The following CNTNAP3B variants were observed in gnomAD, a reference collection of about 807,000 sequenced individuals.
CNTNAP3B encodes contactin associated protein family member 3B, also known as contactin-associated protein-like 3B.
In CNTNAP3B, 25 loss-of-function variants were observed where a neutral mutation model predicts 108.9. The ratio of observed to expected loss-of-function variants is 0.23; its 90% CI spans 0.17 to 0.32. The LOEUF (loss-of-function observed/expected upper bound fraction) is 0.32, where lower values mean the gene tolerates loss of function less well. CNTNAP3B is among the 10% of genes least tolerant of loss of function. The pLI is 1.00. For synonymous variants in CNTNAP3B, 103 were observed against 473.4 expected (o/e 0.22, Z 10.16); for missense variants, 252 against 1,210.4 (o/e 0.21, Z 11.75).
chr9:42,042,399 G>C (rs1477004335), intron 3 of CNTNAP3B, among the ~76,000 whole-genome samples: 1 of 138,978 alleles, frequency 7.2e-6, no homozygotes, highest in African/African-American at 2.9e-5. Flanking sequence ...CTCTATTTCA[G>C]AATAACTTTC....
At chr9:41,940,996 C>T (rs879569259) in intron 13 of CNTNAP3B, among the ~76,000 whole-genome samples, 2 of 151,926 alleles carry the variant, frequency 1.3e-5, no homozygotes, top group Admixed American at 6.6e-5. Context: ...ATATAATAGA[C>T]TATCCTTATC....
chr9:41,945,908 CACTA>C (rs1363498684), intron 13 of CNTNAP3B, among the ~76,000 whole-genome samples: 4 of 152,166 alleles, frequency 2.6e-5, no homozygotes, highest in African/African-American at 9.7e-5. Flanking sequence ...ACCATGGTAA[CACTA>C]ACCAAAAAGA....
At chr9:41,939,510 A>C (rs112289740) in intron 13 of CNTNAP3B, among the ~76,000 whole-genome samples, 3,194 of 150,650 alleles carry the variant, frequency 0.021, no homozygotes, top group African/African-American at 0.075. Flanking sequence ...AAACAAAAAA[A>C]ACAACGAAAA....
chr9:41,966,882 G>T (rs139568530), intron 10 of CNTNAP3B, among the ~76,000 whole-genome samples: 1,814 of 149,968 alleles, frequency 0.012, 2 homozygotes, highest in South Asian at 0.047. Context: ...CATGAGAATG[G>T]CATGAACCCA....
At chr9:41,927,465 A>AGG (rs1823852213) in intron 15 of CNTNAP3B, among the ~76,000 whole-genome samples, 1 of 150,286 alleles carries the variant, frequency 6.7e-6, no homozygotes, top group African/African-American at 2.5e-5. Flanking sequence ...AGAGGGAGGG[A>AGG]GGGAGTGGGG....
At chr9:41,930,943 T>C (rs1396855493) in intron 14 of CNTNAP3B, among the ~76,000 whole-genome samples, 3 of 152,272 alleles carry the variant, frequency 2.0e-5, no homozygotes, top group Non-Finnish European at 2.9e-5. Flanking sequence ...CTTATATTTA[T>C]ATACTTTTGG....
rs1413680385 is a variant in CNTNAP3B, at chr9:42,123,922, G to A, written c.85+5088C>T. ...GGCCTCAATTGCAAATGCTTTAATT[G>A]CCAATGGTTCATAAACACATCTGTG... On this transcript the variant is annotated intron_variant, in intron 1 of 23. Coordinates refer to ENST00000377561, the MANE Select transcript of CNTNAP3B (RefSeq NM_001201380.3). Among the ~76,000 whole-genome samples, 11 of 122,402 alleles carry A rather than the reference G, an allele frequency of 9.0e-5. 3 individuals are homozygous for A. The highest frequency in any genetic ancestry group is 1.3e-4 in the Non-Finnish European group (8 of 59,640). 80.3% of individuals were successfully genotyped at this position (122,402 alleles called of 152,430 possible).
At chr9:42,110,125 T>A (rs1828164564) in intron 1 of CNTNAP3B, among the ~76,000 whole-genome samples, 1 of 117,826 alleles carries the variant, frequency 8.5e-6, no homozygotes, top group Non-Finnish European at 1.8e-5. Flanking sequence ...TTTATGGTCA[T>A]TTCTCACAAG....
intron 3 of CNTNAP3B, among the ~76,000 whole-genome samples, chr9:42,042,197 C>T (rs139745012): frequency 2.0e-3 from 230 of 114,770 alleles, no homozygotes; most frequent in Middle Eastern, 8.1e-3. Flanking sequence ...AAACCTGCTA[C>T]GTTGTACACA....
intron 2 of CNTNAP3B, among the ~76,000 whole-genome samples, chr9:42,085,174 T>G (rs1393422469): frequency 6.6e-6 from 1 of 151,622 alleles, no homozygotes; most frequent in Non-Finnish European, 1.5e-5. Flanking sequence ...CAGCTTCACA[T>G]GAATTGGCAA....
At position 42,056,374 on chromosome 9, in the gene CNTNAP3B, G is replaced by A. The variant is rs867625268; in HGVS notation, c.390+20495C>T. On this transcript the variant is annotated intron_variant, in intron 3 of 23. Transcript: ENST00000377561. ...TATTATTATTATTATTATTTGAGAC[G>A]GAGTCTTGCTCTGTCGCCCAGGCTG... 1.5e-3 allele frequency among the ~76,000 whole-genome samples: 199 copies of A among 131,608 alleles called. 15 individuals are homozygous for A. The highest frequency in any genetic ancestry group is 5.9e-3 in the African/African-American group (187 of 31,536). 86.3% of individuals were successfully genotyped at this position (131,608 alleles called of 152,430 possible).
intron 18 of CNTNAP3B, among the ~76,000 whole-genome samples, chr9:41,919,681 G>T (rs1303910339): frequency 1.2e-4 from 18 of 151,714 alleles, no homozygotes; most frequent in African/African-American, 3.9e-4. Flanking sequence ...TTCAAGTCCG[G>T]CCTGGGCAAC....
Position 42,097,884 on chromosome 9 carries a change from T to C in CNTNAP3B, c.196+6745A>G, listed in dbSNP as rs1827941992. Reference sequence around the variant, plus strand: ...AGCATTTATTTAATTAGGGAAAGCTTCAAAAGTTGAAGTCCAATCATGGGA... The same window carrying C: ...AGCATTTATTTAATTAGGGAAAGCTCCAAAAGTTGAAGTCCAATCATGGGA... On this transcript the variant is annotated intron_variant, in intron 2 of 23. Coordinates refer to ENST00000377561, the MANE Select transcript of CNTNAP3B (RefSeq NM_001201380.3). 1.4e-5 allele frequency among the ~76,000 whole-genome samples: 2 copies of C among 138,382 alleles called. 1 individual carries two copies. Among genetic ancestry groups the C allele is most frequent in the African/African-American group, 5.8e-5 (2 of 34,726 alleles). The allele number at this position is 138,382 out of a possible 152,430, so 90.8% of individuals were successfully genotyped here. A position where few individuals can be genotyped will look rare whatever the true frequency, so the allele number is the denominator to read the frequency against.
intron 3 of CNTNAP3B, among the ~76,000 whole-genome samples, chr9:42,075,562 GC>G (rs1246876069): frequency 8.0e-6 from 1 of 125,402 alleles, no homozygotes; most frequent in Non-Finnish European, 1.7e-5. Context: ...TTCAGAGTAA[GC>G]AAAATTGGCA....
rs1427769093 is a variant in CNTNAP3B, at chr9:41,953,259, G to C, written c.2004C>G (p.Ala668=). 2.6e-6 allele frequency: 4 copies of C among 1,525,994 alleles called. No individual in the cohort carries two copies. Among genetic ancestry groups the C allele is most frequent in the African/African-American group, 1.4e-5 (1 of 71,690 alleles). 94.5% of individuals were successfully genotyped at this position (1,525,994 alleles called of 1,614,324 possible). A position where few individuals can be genotyped will look rare whatever the true frequency, so the allele number is the denominator to read the frequency against. Reference sequence around the variant, plus strand: ...CGCAGCGCTCCGCCAGGTTCACCGCGGCCCGCAGCTGCCCCGCGCCCGCTG... The same window carrying C: ...CGCAGCGCTCCGCCAGGTTCACCGCCGCCCGCAGCTGCCCCGCGCCCGCTG... ...AYAAGAGQLR[A]AVNLAERCEQ... is the part of the protein sequence containing the mutation. Residue 668 remains alanine (A), a synonymous_variant, in exon 13 of 24, where the codon GCC becomes GCG. Coordinates refer to ENST00000377561, the MANE Select transcript of CNTNAP3B (RefSeq NM_001201380.3).
At chr9:42,124,362 TC>T (rs1828522882) in intron 1 of CNTNAP3B, among the ~76,000 whole-genome samples, 2 of 136,554 alleles carry the variant, frequency 1.5e-5, no homozygotes, top group Admixed American at 7.4e-5. Flanking sequence ...TTTACTGTAG[TC>T]CTGTTAAGGC....
intron 10 of CNTNAP3B, among the ~76,000 whole-genome samples, chr9:41,967,141 A>G (rs1321129037): frequency 2.0e-5 from 3 of 149,648 alleles, no homozygotes; most frequent in East Asian, 1.9e-4. Flanking sequence ...TTTGAGTAAC[A>G]TATGTTTCTA....
chr9:42,128,135 T>C (rs1302505712), intron 1 of CNTNAP3B, among the ~76,000 whole-genome samples: 1 of 138,690 alleles, frequency 7.2e-6, no homozygotes, highest in Admixed American at 7.2e-5. Flanking sequence ...GACTCTCTGA[T>C]AGAGATTTAC....
intron 18 of CNTNAP3B, among the ~76,000 whole-genome samples, chr9:41,916,292 T>A (rs1823515787): frequency 6.8e-6 from 1 of 148,016 alleles, no homozygotes; most frequent in Non-Finnish European, 1.5e-5. Flanking sequence ...ATATATACAT[T>A]ATATATTTGT....
Sources: gnomAD v4.1 joint callset for allele counts (sites outside exome capture counted in the v4.1 genomes callset) on GRCh38, gnomAD v4.1.1 for gene constraint, MANE v1.5 for transcripts, NCBI Gene and HGNC (gene_info 2026-07-23, HGNC 2026-07-21) for gene names.